The following PRICKLE2 variants were observed in gnomAD, a reference collection of about 807,000 sequenced individuals.
The protein encoded by PRICKLE2 is prickle planar cell polarity protein 2.
PRICKLE2 carries 21 observed loss-of-function variants against 81.4 expected under a neutral mutation model. That is an observed-to-expected ratio of 0.26 (90% CI 0.18 to 0.37). The LOEUF (loss-of-function observed/expected upper bound fraction) is 0.37, where lower values mean the gene tolerates loss of function less well. PRICKLE2 is among the 10% of genes least tolerant of loss of function. The probability of loss-of-function intolerance (pLI) is 1.00; values close to 1 mark genes in which losing one functional copy is unlikely to be tolerated. For missense variants in PRICKLE2, 940 were observed against 1,109.0 expected (o/e 0.85, Z 2.16); for synonymous variants, 456 against 421.5 (o/e 1.08, Z -1.00).
intron 2 of PRICKLE2, among the ~76,000 whole-genome samples, chr3:64,265,591 C>T (rs2079690073): frequency 6.6e-6 from 1 of 152,182 alleles, no homozygotes; most frequent in South Asian, 2.1e-4. Flanking sequence ...CACAGCTACA[C>T]AAAGCAGCAC....
At chr3:64,127,026 G>T (rs1017104495) in intron 7 of PRICKLE2, among the ~76,000 whole-genome samples, 1 of 152,154 alleles carries the variant, frequency 6.6e-6, no homozygotes. Context: ...AGCTGCTGGG[G>T]CAACACCAGC....
At chr3:64,247,066 A>G (rs1290749583) in intron 2 of PRICKLE2, among the ~76,000 whole-genome samples, 1 of 152,202 alleles carries the variant, frequency 6.6e-6, no homozygotes, top group Non-Finnish European at 1.5e-5. Context: ...TCCTGAAACC[A>G]AAACAGGTCA....
At chr3:64,228,480 A>G (rs2079058767), upstream of PRICKLE2, among the ~76,000 whole-genome samples, 1 of 152,122 alleles carries the variant, frequency 6.6e-6, no homozygotes, top group South Asian at 2.1e-4. Context: ...CAAAATCCAC[A>G]GATTGTTAAT....
chr3:64,192,272 G>A (rs1175587242), intron 2 of PRICKLE2, among the ~76,000 whole-genome samples: 1 of 152,214 alleles, frequency 6.6e-6, no homozygotes, highest in South Asian at 2.1e-4. Flanking sequence ...CATGTGTCAG[G>A]CACTATGCTA....
chr3:64,185,039 T>A (rs2078199200), intron 2 of PRICKLE2, among the ~76,000 whole-genome samples: 1 of 152,174 alleles, frequency 6.6e-6, no homozygotes, highest in African/African-American at 2.4e-5. Context: ...TACATAATGA[T>A]GGAAGAGAAA....
intron 3 of PRICKLE2, among the ~76,000 whole-genome samples, chr3:64,161,025 A>G (rs1448779116): frequency 2.0e-5 from 3 of 152,216 alleles, no homozygotes; most frequent in African/African-American, 7.2e-5. Context: ...GAACAGAACC[A>G]TGTTGTTAGA....
intron 1 of PRICKLE2, among the ~76,000 whole-genome samples, chr3:64,222,840 T>G (rs1475569938): frequency 2.0e-5 from 3 of 152,174 alleles, no homozygotes; most frequent in Admixed American, 1.3e-4. Flanking sequence ...AATCTAGAAA[T>G]GCATTGATTC....
intron 2 of PRICKLE2, among the ~76,000 whole-genome samples, chr3:64,168,631 T>C (rs2077877155): frequency 1.3e-5 from 2 of 152,188 alleles, no homozygotes. Context: ...AGATTGAATA[T>C]CACATAGTTA....
chr3:64,219,382 T>C (rs890128783), intron 1 of PRICKLE2, among the ~76,000 whole-genome samples: 1 of 152,162 alleles, frequency 6.6e-6, no homozygotes, highest in African/African-American at 2.4e-5. Flanking sequence ...AGCAACAAGC[T>C]TGGCTTCCCT....
intron 2 of PRICKLE2, among the ~76,000 whole-genome samples, chr3:64,197,489 T>C (rs995395489): frequency 6.6e-6 from 1 of 152,188 alleles, no homozygotes; most frequent in Non-Finnish European, 1.5e-5. Flanking sequence ...GTCTACATAT[T>C]AGACTCATAC....
At chr3:64,223,523 T>G (rs929963357) in intron 1 of PRICKLE2, among the ~76,000 whole-genome samples, 8 of 152,200 alleles carry the variant, frequency 5.3e-5, no homozygotes, top group African/African-American at 1.9e-4. Flanking sequence ...GGGTAAATCT[T>G]TATAAACACA....
At chr3:64,179,064 T>C (rs932255250) in intron 2 of PRICKLE2, among the ~76,000 whole-genome samples, 1 of 151,302 alleles carries the variant, frequency 6.6e-6, no homozygotes, top group Non-Finnish European at 1.5e-5. Context: ...TTCTTCTTTT[T>C]CTTTTCTCTC....
intron 7 of PRICKLE2, among the ~76,000 whole-genome samples, chr3:64,127,528 T>C (rs2106978984): frequency 6.6e-6 from 1 of 152,268 alleles, no homozygotes; most frequent in Non-Finnish European, 1.5e-5. Flanking sequence ...TCTCATTTTT[T>C]CAAAAGAGGA....
At chr3:64,252,015 G>C (rs2079453496) in intron 2 of PRICKLE2, among the ~76,000 whole-genome samples, 1 of 152,132 alleles carries the variant, frequency 6.6e-6, no homozygotes, top group Non-Finnish European at 1.5e-5. Context: ...TGTCTGGTCA[G>C]ACCTTCCTAT....
intron 7 of PRICKLE2, among the ~76,000 whole-genome samples, chr3:64,129,056 C>T (rs161657): frequency 0.48 from 72,682 of 152,002 alleles, 17,986 homozygotes; most frequent in East Asian, 0.83. Context: ...GCATCCAATT[C>T]TCTCTTGTGA....
At chr3:64,236,995 C>G (rs1266192464) in intron 2 of PRICKLE2, among the ~76,000 whole-genome samples, 4 of 152,252 alleles carry the variant, frequency 2.6e-5, no homozygotes. Flanking sequence ...CTTTGTGGGA[C>G]TCATGAAGGG....
intron 7 of PRICKLE2, among the ~76,000 whole-genome samples, chr3:64,145,100 T>TAA (rs2077424500): frequency 1.1e-4 from 16 of 146,852 alleles, no homozygotes; most frequent in Admixed American, 3.4e-4. Flanking sequence ...ATATTAAATT[T>TAA]TTTTTTTTTT....
At chr3:64,182,444 A>G (rs554332036) in intron 2 of PRICKLE2, among the ~76,000 whole-genome samples, 2 of 151,970 alleles carry the variant, frequency 1.3e-5, no homozygotes, top group East Asian at 3.9e-4. Flanking sequence ...GCAGTGACCT[A>G]TAATTGCACC....
At chr3:64,112,862 G>C (rs1270148555) in intron 7 of PRICKLE2, among the ~76,000 whole-genome samples, 1 of 152,222 alleles carries the variant, frequency 6.6e-6, no homozygotes, top group Non-Finnish European at 1.5e-5. Flanking sequence ...CAAGATGGCT[G>C]ACTAGACGGA....
Sources: allele counts gnomAD v4.1 joint callset (sites outside exome capture counted in the v4.1 genomes callset), GRCh38; gene constraint gnomAD v4.1.1; transcripts MANE v1.5; gene names NCBI Gene and HGNC (gene_info 2026-07-23, HGNC 2026-07-21).